Variants in CDC14A observed in about 807,000 individuals in gnomAD.
CDC14A encodes the protein cell division cycle 14A, also known as dual specificity protein phosphatase CDC14A.
A neutral mutation model predicts 74.4 loss-of-function variants in CDC14A; 53 were observed. That is an observed-to-expected ratio of 0.71 (90% CI 0.57 to 0.89). The LOEUF is 0.89. CDC14A is among the 40% of genes least tolerant of loss of function. CDC14A has a pLI of 0.00. For missense variants in CDC14A, 646 were observed against 713.7 expected (o/e 0.91, Z 1.08); for synonymous variants, 247 against 258.4 (o/e 0.96, Z 0.43).
intron 8 of CDC14A, among the ~76,000 whole-genome samples, chr1:100,460,140 A>G (rs1172916111): frequency 2.6e-5 from 4 of 152,190 alleles, no homozygotes; most frequent in African/African-American, 9.7e-5. Flanking sequence ...TAATCCACAT[A>G]AAGCACTTAG....
intron 10 of CDC14A, among the ~76,000 whole-genome samples, chr1:100,479,407 T>G (rs1669232209): frequency 6.6e-6 from 1 of 152,214 alleles, no homozygotes. Flanking sequence ...AATATGTAGC[T>G]TTTTAATCTC....
chr1:100,501,648 A>C (rs1256087400), intron 15 of CDC14A, among the ~76,000 whole-genome samples: 1 of 152,224 alleles, frequency 6.6e-6, no homozygotes, highest in Non-Finnish European at 1.5e-5. Flanking sequence ...TAGAGTATAC[A>C]CCTTCTCCTT....
rs1243427918 is a variant in CDC14A at position 100,458,402 on chromosome 1, A to T, written c.607+2910A>T. Among the ~76,000 whole-genome samples, 4 of 152,224 alleles carry T rather than the reference A, an allele frequency of 2.6e-5. No homozygotes were observed. In the East Asian group the frequency reaches 7.7e-4, roughly 29 times the overall value. On this transcript the variant is annotated intron_variant, in intron 8 of 15. Transcript: ENST00000336454. ...AGATATCGCTCTATATGCATATTTT[A>T]TTCTATGCATGTATTGTGCCCTGTC...
chr1:100,373,706 G>T (rs929522920), intron 2 of CDC14A, among the ~76,000 whole-genome samples: 2 of 151,964 alleles, frequency 1.3e-5, no homozygotes, highest in East Asian at 3.9e-4. Context: ...TGGATTCGTG[G>T]GTATTTTGTT....
intron 11 of CDC14A, among the ~76,000 whole-genome samples, chr1:100,488,468 A>G (rs191247041): frequency 6.6e-6 from 1 of 152,254 alleles, no homozygotes; most frequent in East Asian, 1.9e-4. Context: ...CTAACTCTCT[A>G]TGAGGTCTTC....
At chr1:100,457,196 A>C (rs1666784408) in intron 8 of CDC14A, among the ~76,000 whole-genome samples, 1 of 152,232 alleles carries the variant, frequency 6.6e-6, no homozygotes, top group African/African-American at 2.4e-5. Flanking sequence ...AAATTGAGAG[A>C]TATAATTGTA....
At chr1:100,360,556 G>T (rs1652618078) in intron 2 of CDC14A, among the ~76,000 whole-genome samples, 1 of 150,728 alleles carries the variant, frequency 6.6e-6, no homozygotes, top group Admixed American at 6.6e-5. Flanking sequence ...TGTTGACCAG[G>T]CTGGTCTCGA....
In CDC14A at chr1:100,495,997, C is replaced by T. The variant is rs375381230; in HGVS notation, c.1251-5C>T. ...TATGTGAGCATCTGTCTTTGATTTC[C>T]GCAGGTCAGATGATACAAAAGGACA... On this transcript the variant is annotated splice_region_variant and splice_polypyrimidine_tract_variant and intron_variant, in intron 12 of 15. Coordinates refer to ENST00000336454, the MANE Select transcript of CDC14A (RefSeq NM_003672.4). 6.6e-5 allele frequency: 106 copies of T among 1,613,142 alleles called. No individual in the cohort carries two copies. The highest frequency in any genetic ancestry group is 7.8e-5 in the Non-Finnish European group (92 of 1,179,356).
At chr1:100,360,136 G>C (rs1652528308) in intron 2 of CDC14A, among the ~76,000 whole-genome samples, 1 of 136,452 alleles carries the variant, frequency 7.3e-6, no homozygotes, top group Non-Finnish European at 1.6e-5. Flanking sequence ...TGTATTTTTA[G>C]TAGAGACGAG....
intron 10 of CDC14A, among the ~76,000 whole-genome samples, chr1:100,473,823 A>G (rs1295741164): frequency 6.6e-6 from 1 of 152,078 alleles, no homozygotes; most frequent in East Asian, 1.9e-4. Context: ...TTTCTTTCTA[A>G]TCTATATACC....
chr1:100,368,839 C>T lies in CDC14A; in HGVS notation c.141-8707C>T, dbSNP rs374438525. 2.1e-4 allele frequency among the ~76,000 whole-genome samples: 32 copies of T among 152,174 alleles called. No homozygotes were observed. The East Asian group carries it at 4.4e-3, about 21-fold the overall frequency. Reference sequence around the variant, plus strand: ...GTTCCCACTTATAAATGAGAACATGCGGTATTTGGTTTTCTATTCCTGCAT... The same window carrying T: ...GTTCCCACTTATAAATGAGAACATGTGGTATTTGGTTTTCTATTCCTGCAT... On this transcript the variant is annotated intron_variant, in intron 2 of 15. Transcript: ENST00000336454.
At chr1:100,398,085 T>C (rs754426677) in intron 4 of CDC14A, among the ~76,000 whole-genome samples, 4 of 152,168 alleles carry the variant, frequency 2.6e-5, no homozygotes, top group Admixed American at 6.5e-5. Context: ...TTATCCAAAC[T>C]CCTGTTTTTT....
chr1:100,439,614 A>T lies in CDC14A; in HGVS notation c.390-318A>T, dbSNP rs749279041. Among the ~76,000 whole-genome samples the T allele has an allele frequency of 6.6e-5, 10 of 152,204 alleles. 1 individual carries two copies. Among genetic ancestry groups the T allele is most frequent in the Non-Finnish European group, 1.3e-4 (9 of 68,030 alleles). ...TATCATTAACTTCATTTCACAGATGAGGAGACCAAGATTCAGCATAGAGGT... is the reference window on the plus strand; with the variant it reads ...TATCATTAACTTCATTTCACAGATGTGGAGACCAAGATTCAGCATAGAGGT... On this transcript the variant is annotated intron_variant, in intron 5 of 15. Transcript: ENST00000336454.
At chr1:100,401,908 C>G (rs1571075232) in intron 4 of CDC14A, among the ~76,000 whole-genome samples, 1 of 151,984 alleles carries the variant, frequency 6.6e-6, no homozygotes, top group East Asian at 1.9e-4. Context: ...CATGGTGGCA[C>G]ATGCCTGTAA....
At chr1:100,504,993 T>C in intron 15 of CDC14A, 2 of 1,385,878 alleles carry the variant, frequency 1.4e-6, no homozygotes, top group Middle Eastern at 1.8e-4. Context: ...TGCTATTATA[T>C]ACATGAACAT....
chr1:100,370,496 T>C (rs1351872246), intron 2 of CDC14A, among the ~76,000 whole-genome samples: 1 of 152,184 alleles, frequency 6.6e-6, no homozygotes, highest in African/African-American at 2.4e-5. Context: ...TATACGGTGA[T>C]AGATAGGAGA....
At chr1:100,487,920 T>G (rs2101379575) in intron 11 of CDC14A, among the ~76,000 whole-genome samples, 1 of 152,244 alleles carries the variant, frequency 6.6e-6, no homozygotes, top group South Asian at 2.1e-4. Flanking sequence ...GGCAGAGACT[T>G]TTATTTGTCT....
chr1:100,381,789 C>T (rs1649906317), intron 3 of CDC14A, among the ~76,000 whole-genome samples: 1 of 152,080 alleles, frequency 6.6e-6, no homozygotes, highest in South Asian at 2.1e-4. Context: ...AAAAAACCTG[C>T]TGCTTATTTA....
At chr1:100,389,197 A>G (rs1339021468) in intron 3 of CDC14A, among the ~76,000 whole-genome samples, 1 of 150,234 alleles carries the variant, frequency 6.7e-6, no homozygotes, top group Non-Finnish European at 1.5e-5. Flanking sequence ...AAAAAAAAAA[A>G]AAAAAGGTAA....
Sources: gnomAD v4.1 joint callset for allele counts (sites outside exome capture counted in the v4.1 genomes callset) on GRCh38, gnomAD v4.1.1 for gene constraint, MANE v1.5 for transcripts, NCBI Gene and HGNC (gene_info 2026-07-23, HGNC 2026-07-21) for gene names.